The following PCCB variants were observed in gnomAD, a reference collection of about 807,000 sequenced individuals.
PCCB encodes propionyl-CoA carboxylase beta chain, mitochondrial.
In PCCB, 43 loss-of-function variants were observed where a neutral mutation model predicts 60.7. The observed-to-expected ratio is 0.71, with a 90% confidence interval of 0.55 to 0.91. The LOEUF is 0.91. Ranked by LOEUF, PCCB falls within the 40% of genes least tolerant of loss-of-function variation. The pLI is 0.00. For synonymous variants in PCCB, 276 were observed against 255.9 expected (o/e 1.08, Z -0.75); for missense variants, 766 against 702.8 (o/e 1.09, Z -1.02).
intron 6 of PCCB, among the ~76,000 whole-genome samples, chr3:136,289,614 AGACCATT>A (rs904666809): frequency 1.6e-4 from 25 of 152,248 alleles, no homozygotes; most frequent in African/African-American, 5.1e-4. Context: ...TGATACATTT[AGACCATT>A]GACATTCAGA....
chr3:136,322,120 A>C (rs1348891937), intron 10 of PCCB, among the ~76,000 whole-genome samples: 1 of 152,342 alleles, frequency 6.6e-6, no homozygotes, highest in East Asian at 1.9e-4. Context: ...TGTTCTTTAT[A>C]AAGTTGAAGA....
intron 9 of PCCB, among the ~76,000 whole-genome samples, chr3:136,303,076 T>C (rs1449801862): frequency 8.2e-6 from 1 of 122,542 alleles, no homozygotes; most frequent in African/African-American, 2.5e-5. Context: ...CAAGACTCCA[T>C]CGCCAAAAAT....
chr3:136,273,574 C>G (rs371462220), intron 5 of PCCB, among the ~76,000 whole-genome samples: 1 of 50,364 alleles, frequency 2.0e-5, no homozygotes, highest in Non-Finnish European at 4.6e-5. Context: ...CCTTCTTTTT[C>G]TTTCTTTTTT....
At chr3:136,253,122 C>G (rs1268559179) in intron 1 of PCCB, among the ~76,000 whole-genome samples, 1 of 111,142 alleles carries the variant, frequency 9.0e-6, no homozygotes, top group Admixed American at 1.3e-4. Flanking sequence ...TAGAGTCTTG[C>G]TCTGTCACCC....
At chr3:136,323,409 T>C (rs1327750047) in intron 10 of PCCB, among the ~76,000 whole-genome samples, 1 of 152,216 alleles carries the variant, frequency 6.6e-6, no homozygotes, top group Non-Finnish European at 1.5e-5. Flanking sequence ...ATTGTACTTT[T>C]CAGCTCCAGA....
intron 7 of PCCB, among the ~76,000 whole-genome samples, chr3:136,295,321 T>C (rs997994169): frequency 6.6e-6 from 1 of 152,194 alleles, no homozygotes; most frequent in Non-Finnish European, 1.5e-5. Flanking sequence ...ATCAGTGAAG[T>C]CTTAGATTAG....
chr3:136,253,579 T>C (rs906526161), intron 1 of PCCB, among the ~76,000 whole-genome samples: 1 of 151,810 alleles, frequency 6.6e-6, no homozygotes, highest in African/African-American at 2.4e-5. Flanking sequence ...GAGACGGGGT[T>C]TCACCATGTT....
chr3:136,296,223 C>T (rs551714565), intron 7 of PCCB, among the ~76,000 whole-genome samples: 2 of 152,270 alleles, frequency 1.3e-5, no homozygotes, highest in East Asian at 1.9e-4. Flanking sequence ...GTCATCACCC[C>T]AAGAAGAAAC....
In PCCB at chr3:136,284,884, T is replaced by G. The variant is rs140802054; in HGVS notation, c.654+937T>G. Among the ~76,000 whole-genome samples, 396 of 152,044 alleles carry G rather than the reference T, an allele frequency of 2.6e-3. 5 individuals are homozygous for G. Among genetic ancestry groups the G allele is most frequent in the African/African-American group, 9.1e-3 (379 of 41,496 alleles). On this transcript the variant is annotated intron_variant, in intron 6 of 14. Coordinates refer to ENST00000251654, the MANE Select transcript of PCCB (RefSeq NM_000532.5). The stretch of plus-strand genomic sequence containing the variant: ...GGTGGATCACTTGAGCTCAGGAGTT[T>G]TAGACCAGCCTAGGCAACGTAGCGA...
Position 136,259,777 on chromosome 3 carries a change from G to A in PCCB, c.373-702G>A, listed in dbSNP as rs919724687. Among the ~76,000 whole-genome samples the A allele has an allele frequency of 2.0e-5, 3 of 151,964 alleles. No individual in the cohort carries two copies. In the South Asian group the frequency reaches 6.2e-4, roughly 32 times the overall value. On this transcript the variant is annotated intron_variant, in intron 3 of 14. Coordinates refer to ENST00000251654, the MANE Select transcript of PCCB (RefSeq NM_000532.5). ...ATATGTATGTATTTTTTTAAATACA[G>A]AGTCTCGCTCTGTCGCCCAGGCTGG... is the stretch of plus-strand genomic sequence containing the variant.
chr3:136,291,048 T>G (rs1933665669), intron 6 of PCCB, among the ~76,000 whole-genome samples: 1 of 152,124 alleles, frequency 6.6e-6, no homozygotes, highest in South Asian at 2.1e-4. Context: ...CCCTGGTATA[T>G]TTTAGTTATT....
rs1324498285 is a variant in PCCB, at chr3:136,267,528, A to C, written c.543+5463A>C. 2.0e-5 allele frequency among the ~76,000 whole-genome samples: 3 copies of C among 152,074 alleles called. No homozygotes were observed. The East Asian group carries it at 5.8e-4, about 29-fold the overall frequency. ...GAGCTAGGGTCTCACTCTGTCACCC[A>C]GGCTGAAGTGTAGTGGTGTAATCAT... is the stretch of plus-strand genomic sequence containing the variant. On this transcript the variant is annotated intron_variant, in intron 5 of 14. Transcript: ENST00000251654.
At chr3:136,322,289 C>A (rs1386633789) in intron 10 of PCCB, among the ~76,000 whole-genome samples, 4 of 152,164 alleles carry the variant, frequency 2.6e-5, no homozygotes, top group Non-Finnish European at 5.9e-5. Context: ...TTGAACTAAA[C>A]TCACATACCT....
intron 10 of PCCB, chr3:136,326,451 C>G: frequency 1.4e-6 from 1 of 700,314 alleles, no homozygotes; most frequent in East Asian, 2.7e-5. Context: ...TCAGTGGAGC[C>G]AGAATCTGAT....
chr3:136,330,062 C>G lies in PCCB; in HGVS notation c.*36C>G. ...GGAAAAGAAACCAAGAACTGAATTACTGTCTGCCCATTCACATCCCATTCC... is the reference window on the plus strand; with the variant it reads ...GGAAAAGAAACCAAGAACTGAATTAGTGTCTGCCCATTCACATCCCATTCC... On this transcript the variant is annotated 3_prime_UTR_variant, in exon 15 of 15. Transcript: ENST00000251654. 6.2e-7 allele frequency: 1 copy of G among 1,613,464 alleles called. No individual in the cohort carries two copies. Among genetic ancestry groups the G allele is most frequent in the East Asian group, 2.2e-5 (1 of 44,802 alleles).
At chr3:136,274,791 A>G (rs904384553) in intron 5 of PCCB, among the ~76,000 whole-genome samples, 2 of 149,588 alleles carry the variant, frequency 1.3e-5, no homozygotes, top group Non-Finnish European at 3.0e-5. Context: ...ACATAATCCC[A>G]TATTTCTTGG....
intron 3 of PCCB, among the ~76,000 whole-genome samples, chr3:136,257,023 T>A (rs1205242222): frequency 1.3e-5 from 2 of 152,182 alleles, no homozygotes; most frequent in African/African-American, 2.4e-5. Context: ...CCCCTGAGCT[T>A]TGGGCTTTCA....
intron 14 of PCCB, among the ~76,000 whole-genome samples, chr3:136,329,296 G>A (rs750371814): frequency 1.3e-5 from 2 of 152,148 alleles, no homozygotes; most frequent in African/African-American, 2.4e-5. Flanking sequence ...GTCCAAAATG[G>A]CGTCACTTAC....
At chr3:136,254,564 G>C (rs1183951084) in intron 1 of PCCB, among the ~76,000 whole-genome samples, 1 of 103,626 alleles carries the variant, frequency 9.7e-6, no homozygotes, top group Admixed American at 1.5e-4. Context: ...ACAGGTTCTC[G>C]CTTTGTTGCT....
Sources: allele counts gnomAD v4.1 joint callset (sites outside exome capture counted in the v4.1 genomes callset), GRCh38; gene constraint gnomAD v4.1.1; transcripts MANE v1.5; gene names NCBI Gene and HGNC (gene_info 2026-07-23, HGNC 2026-07-21).